AKAP19: variants seen among roughly 807,000 people sequenced by gnomAD.
The protein encoded by AKAP19 is A-kinase anchoring protein 19.
chr2:190,015,768 A>G, the AKAP19 span, among the ~76,000 whole-genome samples: 1 of 152,192 alleles, frequency 6.6e-6, no homozygotes, highest in South Asian at 2.1e-4. Flanking sequence ...AAGACTTAAC[A>G]CTTTCAAAAT....
the AKAP19 span, among the ~76,000 whole-genome samples, chr2:190,165,191 C>A: frequency 6.6e-6 from 1 of 152,140 alleles, no homozygotes; most frequent in African/African-American, 2.4e-5. Context: ...AATCCCAGCA[C>A]TTTGGGAGGC....
the AKAP19 span, among the ~76,000 whole-genome samples, chr2:189,970,995 T>C: frequency 6.6e-6 from 1 of 152,190 alleles, no homozygotes; most frequent in Non-Finnish European, 1.5e-5. Context: ...TCTTTTTTTA[T>C]TATTATACTT....
chr2:189,914,209 C>G, the AKAP19 span, among the ~76,000 whole-genome samples: 2 of 152,060 alleles, frequency 1.3e-5, no homozygotes, highest in African/African-American at 4.8e-5. Context: ...GTTAATTTCT[C>G]CTTCCCAAGC....
chr2:189,977,335 CT>C, the AKAP19 span, among the ~76,000 whole-genome samples: 1 of 152,136 alleles, frequency 6.6e-6, no homozygotes, highest in Non-Finnish European at 1.5e-5. Context: ...AAGTGAGTTA[CT>C]TTTTTTCTTT....
chr2:189,903,510 T>G, the AKAP19 span, among the ~76,000 whole-genome samples: 357 of 152,218 alleles, frequency 2.3e-3, 1 homozygote, highest in Non-Finnish European at 4.3e-3. Context: ...TAATGAACAT[T>G]GTTATCACCA....
the AKAP19 span, among the ~76,000 whole-genome samples, chr2:189,977,082 G>A: frequency 1.3e-5 from 2 of 152,190 alleles, no homozygotes; most frequent in African/African-American, 2.4e-5. Context: ...GCTGGGAGCT[G>A]TAGACTGAAG....
the AKAP19 span, among the ~76,000 whole-genome samples, chr2:190,172,837 G>C: frequency 6.6e-6 from 1 of 152,322 alleles, no homozygotes; most frequent in East Asian, 1.9e-4. Context: ...GCATGGCCAA[G>C]TGCAGTGGCT....
At chr2:189,894,556 C>T in the AKAP19 span, among the ~76,000 whole-genome samples, 2 of 151,942 alleles carry the variant, frequency 1.3e-5, no homozygotes, top group South Asian at 4.2e-4. Context: ...TCTCGGATCA[C>T]CTCATCTGGT....
At chr2:190,013,434 G>T in the AKAP19 span, among the ~76,000 whole-genome samples, 1 of 151,872 alleles carries the variant, frequency 6.6e-6, no homozygotes, top group African/African-American at 2.4e-5. Context: ...GTATTTCTGT[G>T]ATTTTAGTTA....
the AKAP19 span, among the ~76,000 whole-genome samples, chr2:189,969,870 T>G: frequency 4.3e-5 from 4 of 92,550 alleles, no homozygotes; most frequent in African/African-American, 9.0e-5. Context: ...CTTCTTCTTC[T>G]TTTTTTTTTT....
chr2:190,165,544 G>C, the AKAP19 span, among the ~76,000 whole-genome samples: 1 of 152,124 alleles, frequency 6.6e-6, no homozygotes, highest in African/African-American at 2.4e-5. Flanking sequence ...GCTAAGTTGA[G>C]AATTAGACAT....
At chr2:190,138,045 A>T in the AKAP19 span, among the ~76,000 whole-genome samples, 2 of 152,146 alleles carry the variant, frequency 1.3e-5, no homozygotes, top group African/African-American at 4.8e-5. Flanking sequence ...TTTAGGCCTA[A>T]ACTCTGGCAC....
At chr2:190,147,858 T>C in the AKAP19 span, among the ~76,000 whole-genome samples, 2 of 152,194 alleles carry the variant, frequency 1.3e-5, no homozygotes, top group Non-Finnish European at 2.9e-5. Flanking sequence ...TACATTCATC[T>C]TGTATCTGGA....
the AKAP19 span, among the ~76,000 whole-genome samples, chr2:190,191,382 T>TG: frequency 6.6e-6 from 1 of 152,138 alleles, no homozygotes; most frequent in African/African-American, 2.4e-5. Flanking sequence ...TGACCTCAGG[T>TG]GATCTACCCA....
the AKAP19 span, among the ~76,000 whole-genome samples, chr2:190,073,740 C>T: frequency 6.6e-6 from 1 of 151,764 alleles, no homozygotes; most frequent in African/African-American, 2.4e-5. Context: ...ACATTACAAT[C>T]ACTTAGTTAA....
the AKAP19 span, among the ~76,000 whole-genome samples, chr2:190,099,284 G>C: frequency 0.016 from 2,393 of 152,234 alleles, 65 homozygotes; most frequent in African/African-American, 0.054. Flanking sequence ...ACATGTGACT[G>C]TTCCTTTCAC....
At chr2:190,018,188 C>T in the AKAP19 span, among the ~76,000 whole-genome samples, 21 of 152,192 alleles carry the variant, frequency 1.4e-4, no homozygotes, top group Non-Finnish European at 2.1e-4. Flanking sequence ...ATATTTGTGC[C>T]TTTCCCCAGA....
chr2:189,906,036 G>C, the AKAP19 span, among the ~76,000 whole-genome samples: 1 of 152,046 alleles, frequency 6.6e-6, no homozygotes, highest in Non-Finnish European at 1.5e-5. Flanking sequence ...AATTTAGACT[G>C]TCACATTTTC....
At chr2:190,124,327 GC>G in the AKAP19 span, among the ~76,000 whole-genome samples, 3 of 152,336 alleles carry the variant, frequency 2.0e-5, no homozygotes, top group East Asian at 5.8e-4. Context: ...AGATGGTGTA[GC>G]CTACTGCACA....
Sources: allele counts gnomAD v4.1 joint callset (sites outside exome capture counted in the v4.1 genomes callset), GRCh38; gene constraint gnomAD v4.1.1; transcripts MANE v1.5; gene names NCBI Gene and HGNC (gene_info 2026-07-23, HGNC 2026-07-21).